The following MKRN1 variants were observed in gnomAD, a reference collection of about 807,000 sequenced individuals.
MKRN1 encodes the protein makorin ring finger protein 1, also known as E3 ubiquitin-protein ligase makorin-1.
Under a neutral mutation model 55.5 loss-of-function variants are expected in MKRN1, and 9 were observed. That is an observed-to-expected ratio of 0.16 (90% CI 0.10 to 0.28). MKRN1 has a LOEUF of 0.28. MKRN1 is among the 10% of genes least tolerant of loss of function. The pLI, the probability that MKRN1 is intolerant of heterozygous loss-of-function variation, is 1.00. For synonymous variants in MKRN1, 253 were observed against 235.9 expected, an observed-to-expected ratio of 1.07 and a Z score of -0.66; for missense variants, 488 against 626.7, an observed-to-expected ratio of 0.78 and a Z score of 2.36.
chr7:140,454,662 T>A lies in MKRN1; in HGVS notation c.1304A>T (p.Asp435Val), dbSNP rs1383304195. Residue 435 changes from aspartate (D) to valine (V), a missense_variant, in exon 8 of 8, where the codon GAT becomes GTT. By Grantham distance (152) the Asp-to-Val change is radical. Coordinates refer to ENST00000255977, the MANE Select transcript of MKRN1 (RefSeq NM_013446.4). ...ERENSNPFDN[D>V]EEEVVTFELG... is the part of the protein sequence containing the mutation. ...CTCAAAGGTGACAACCTCTTCTTCA[T>A]CGTTGTCAAAGGGGTTGCTGTTCTC... The A allele has an allele frequency of 1.2e-6, 2 of 1,613,868 alleles. No individual in the cohort carries two copies. The highest frequency in any genetic ancestry group is 1.3e-5 in the African/African-American group (1 of 74,938).
intron 2 of MKRN1, among the ~76,000 whole-genome samples, chr7:140,466,725 A>C (rs1794778419): frequency 6.6e-6 from 1 of 150,582 alleles, no homozygotes; most frequent in Non-Finnish European, 1.5e-5. Context: ...AATGGCGTGA[A>C]CGTGGGAAGC....
intron 1 of MKRN1, chr7:140,478,559 C>G (rs912830131): frequency 1.3e-5 from 2 of 152,178 alleles, no homozygotes; most frequent in Non-Finnish European, 2.9e-5. Context: ...CCGCCAACCT[C>G]GACAAACATA....
At chr7:140,476,471 C>CAAAAAAAAAAAAAAAAAAAAAA (rs59392050) in intron 1 of MKRN1, among the ~76,000 whole-genome samples, 1 of 72,566 alleles carries the variant, frequency 1.4e-5, no homozygotes, top group African/African-American at 6.1e-5. Context: ...CACTCCATCT[C>CAAAAAAAAAAAAAAAAAAAAAA]AAAAAAAAAA....
intron 1 of MKRN1, among the ~76,000 whole-genome samples, chr7:140,473,984 C>G (rs1261919429): frequency 1.0e-5 from 1 of 96,736 alleles, no homozygotes; most frequent in Admixed American, 1.2e-4. Flanking sequence ...AACAGCGAAA[C>G]TCCGTCTCAA....
intron 2 of MKRN1, among the ~76,000 whole-genome samples, chr7:140,465,805 G>C (rs763070213): frequency 1.3e-5 from 2 of 152,138 alleles, no homozygotes; most frequent in African/African-American, 4.8e-5. Flanking sequence ...TAGGTGGCCG[G>C]GTGTGGTGGC....
intron 2 of MKRN1, among the ~76,000 whole-genome samples, chr7:140,468,564 G>A (rs1794834055): frequency 6.6e-6 from 1 of 151,908 alleles, no homozygotes; most frequent in Admixed American, 6.6e-5. Flanking sequence ...AGCTGGGTGT[G>A]GTGGCACATG....
At chr7:140,474,066 A>AAAGG (rs1795041830) in intron 1 of MKRN1, among the ~76,000 whole-genome samples, 1 of 145,730 alleles carries the variant, frequency 6.9e-6, no homozygotes, top group African/African-American at 2.5e-5. Context: ...AGAAAGAAAG[A>AAAGG]ATAAAAGACT....
At chr7:140,463,659 G>T (rs999310972) in intron 2 of MKRN1, among the ~76,000 whole-genome samples, 1 of 152,042 alleles carries the variant, frequency 6.6e-6, no homozygotes, top group Non-Finnish European at 1.5e-5. Context: ...GCCAAGGTGG[G>T]CGGATCACAA....
chr7:140,474,341 C>CA (rs148752843), intron 1 of MKRN1: 10,035 of 219,750 alleles, frequency 0.046, 1,067 homozygotes, highest in African/African-American at 0.22. Context: ...ACTAAAAATA[C>CA]AAAAAAAACA....
At chr7:140,461,663 A>AG (rs141137827) in intron 2 of MKRN1, among the ~76,000 whole-genome samples, 2,554 of 152,084 alleles carry the variant, frequency 0.017, 66 homozygotes, top group African/African-American at 0.059. Flanking sequence ...AGCAAAGCAT[A>AG]GCAAGCATCT....
intron 1 of MKRN1, chr7:140,478,706 G>C (rs976105354): frequency 6.5e-6 from 1 of 153,212 alleles, no homozygotes; most frequent in Non-Finnish European, 1.5e-5. Context: ...GCTCGCTGGG[G>C]CCCTCGGCGG....
chr7:140,475,248 C>T (rs1239460154), intron 1 of MKRN1: 1 of 431,054 alleles, frequency 2.3e-6, no homozygotes, highest in Admixed American at 2.5e-5. Flanking sequence ...AAGGCTGAGG[C>T]ACCAGAATTC....
Position 140,456,272 on chromosome 7 carries a change from T to G in MKRN1, c.987-372A>C, listed in dbSNP as rs1226159781. 33 of 1,162,282 alleles carry G rather than the reference T, an allele frequency of 2.8e-5. No homozygotes were observed. The Middle Eastern group carries it at 1.1e-3, about 39-fold the overall frequency. 72.0% of individuals were successfully genotyped at this position (1,162,282 alleles called of 1,614,324 possible). ...TTTGTTCAGTTATGAGAACAATCTT[T>G]AAAGGATGGTGGATTGTTGGCTAGC... is the stretch of plus-strand genomic sequence containing the variant. On this transcript the variant is annotated intron_variant, in intron 5 of 7. Coordinates refer to ENST00000255977, the MANE Select transcript of MKRN1 (RefSeq NM_013446.4).
intron 2 of MKRN1, among the ~76,000 whole-genome samples, chr7:140,463,573 G>C (rs981500454): frequency 2.0e-5 from 3 of 152,198 alleles, no homozygotes; most frequent in African/African-American, 7.2e-5. Flanking sequence ...TGAAATGTTA[G>C]AGCAGCAAGT....
At chr7:140,464,077 C>T (rs1487792652) in intron 2 of MKRN1, among the ~76,000 whole-genome samples, 1 of 151,956 alleles carries the variant, frequency 6.6e-6, no homozygotes, top group East Asian at 2.0e-4. Flanking sequence ...CACCACCAAG[C>T]CCAGCTAATT....
intron 1 of MKRN1, 184 bp from the exon 2 acceptor site, chr7:140,472,195 T>C (rs982579483): frequency 1.2e-5 from 9 of 745,256 alleles, no homozygotes; most frequent in Non-Finnish European, 1.7e-5. Flanking sequence ...CTGAGGTGAG[T>C]GGCTCACCTG....
upstream of MKRN1, chr7:140,479,528 A>C (rs1795231127): frequency 1.8e-6 from 1 of 558,950 alleles, no homozygotes; most frequent in Non-Finnish European, 2.7e-6. Context: ...GCGGGCCCAG[A>C]GCATGCGCGC....
intron 3 of MKRN1, 112 bp downstream of exon 3, chr7:140,459,595 G>A (rs1794559315): frequency 2.8e-6 from 3 of 1,078,110 alleles, no homozygotes; most frequent in Non-Finnish European, 4.0e-6. Flanking sequence ...ACTGTACTAA[G>A]ATTAAACTAA....
chr7:140,460,983 A>C (rs1794601626), intron 2 of MKRN1, among the ~76,000 whole-genome samples: 1 of 152,212 alleles, frequency 6.6e-6, no homozygotes, highest in Admixed American at 6.5e-5. Flanking sequence ...GCTATATACC[A>C]CTTATTACTT....
Sources: allele counts gnomAD v4.1 joint callset (sites outside exome capture counted in the v4.1 genomes callset), GRCh38; gene constraint gnomAD v4.1.1; transcripts MANE v1.5; gene names NCBI Gene and HGNC (gene_info 2026-07-23, HGNC 2026-07-21).